The following CCDC33 variants were observed in gnomAD, a reference collection of about 807,000 sequenced individuals.
The protein encoded by CCDC33 is coiled-coil domain containing 33, also known as coiled-coil domain-containing protein 33.
A neutral mutation model predicts 91.9 loss-of-function variants in CCDC33; 94 were observed. That is an observed-to-expected ratio of 1.02 (90% CI 0.87 to 1.21). The LOEUF is 1.21. Among genes scored for constraint, CCDC33 ranks in the 50% most tolerant of loss-of-function variants. The pLI is 0.00. For missense variants in CCDC33, 940 were observed against 935.5 expected (o/e 1.00, Z -0.06); for synonymous variants, 396 against 374.5 (o/e 1.06, Z -0.66).
chr15:74,245,375 C>T (rs2075490071), intron 2 of CCDC33, among the ~76,000 whole-genome samples: 1 of 152,226 alleles, frequency 6.6e-6, no homozygotes, highest in Non-Finnish European at 1.5e-5. Flanking sequence ...TTTGTGCCAG[C>T]CCAGCTCCTC....
chr15:74,323,015 T>G, intron 11 of CCDC33, among the ~76,000 whole-genome samples: 1 of 152,092 alleles, frequency 6.6e-6, no homozygotes, highest in East Asian at 1.9e-4. Context: ...TCCCCGCTCC[T>G]ACCCCTGCTC....
At chr15:74,256,053 C>T (rs377671033) in intron 2 of CCDC33, among the ~76,000 whole-genome samples, 2 of 152,236 alleles carry the variant, frequency 1.3e-5, no homozygotes, top group Admixed American at 6.5e-5. Flanking sequence ...GCTCCAGCAG[C>T]GACAAGACAG....
chr15:74,324,754 G>T (rs1486273207), intron 11 of CCDC33, among the ~76,000 whole-genome samples: 1 of 149,988 alleles, frequency 6.7e-6, no homozygotes, highest in African/African-American at 2.5e-5. Context: ...TGCACCTGAG[G>T]CCCTGCAGGT....
intron 1 of CCDC33, among the ~76,000 whole-genome samples, chr15:74,238,555 T>G (rs998259658): frequency 1.3e-5 from 2 of 152,246 alleles, no homozygotes; most frequent in African/African-American, 4.8e-5. Flanking sequence ...ATTAATCCTT[T>G]TTTAAATATG....
rs556526616 is a variant in CCDC33, at chr15:74,280,813, G to A, written c.1023+12G>A. The A allele has an allele frequency of 6.7e-7, 1 of 1,483,960 alleles. No homozygotes were observed. The highest frequency in any genetic ancestry group is 1.4e-5 in the South Asian group (1 of 70,072). 91.9% of individuals were successfully genotyped at this position (1,483,960 alleles called of 1,614,324 possible). ...GGCTCCCCATCATGGTGAGCCCCCT[G>A]CCCTGAACTGGGCCCCTAGCGTGCC... On this transcript the variant is annotated intron_variant, in intron 9 of 18. Transcript: ENST00000398814.
intron 3 of CCDC33, among the ~76,000 whole-genome samples, chr15:74,264,205 G>A (rs1298336220): frequency 1.3e-5 from 2 of 151,922 alleles, no homozygotes; most frequent in Admixed American, 6.6e-5. Context: ...CGGTGGGGGT[G>A]GGGGAGATGG....
Position 74,280,706 on chromosome 15 carries a change from G to T in CCDC33, c.928G>T (p.Gly310Cys). The change falls in exon 9 of 19, where the codon GGC (glycine) becomes TGC (cysteine). Residue 310 changes from glycine (G) to cysteine (C), a missense_variant. Gly to Cys is a radical substitution (Grantham distance 159, BLOSUM62 -3). Coordinates refer to ENST00000398814, the MANE Select transcript of CCDC33 (RefSeq NM_025055.5). Reference protein sequence around the residue: ...SQPWTLNQPLGISVLPLKSRL... With the variant: ...SQPWTLNQPLCISVLPLKSRL... ...GCCGTGGACCCTCAACCAGCCCCTG[G>T]GCATCTCTGTGTTGCCGCTAAAGAG... 6.4e-7 allele frequency: 1 copy of T among 1,554,374 alleles called. No homozygotes were observed. Among genetic ancestry groups the T allele is most frequent in the Non-Finnish European group, 8.7e-7 (1 of 1,149,332 alleles).
At chr15:74,275,383 C>A (rs2959018) in intron 7 of CCDC33, among the ~76,000 whole-genome samples, 3 of 152,230 alleles carry the variant, frequency 2.0e-5, no homozygotes, top group Non-Finnish European at 2.9e-5. Context: ...TGTACCTCCC[C>A]TAGTGCCAGT....
At chr15:74,310,601 G>A (rs2059974554) in intron 11 of CCDC33, among the ~76,000 whole-genome samples, 1 of 152,144 alleles carries the variant, frequency 6.6e-6, no homozygotes, top group Non-Finnish European at 1.5e-5. Flanking sequence ...GGTGGTCAGG[G>A]GGCATCCTGA....
At chr15:74,268,971 T>C (rs191459514) in intron 5 of CCDC33, among the ~76,000 whole-genome samples, 243 of 152,354 alleles carry the variant, frequency 1.6e-3, no homozygotes, top group Middle Eastern at 0.014. Flanking sequence ...ATTAGGTATT[T>C]AGTTTATTCA....
chr15:74,210,995 G>A lies in CCDC33; in HGVS notation n.237-1151G>A, dbSNP rs1390792379. ...TGGCAAAGACAGAGCCTTAGCTAAG[G>A]CCAGATTATAAGGCTGAAGGAGACT... is the stretch of plus-strand genomic sequence containing the variant. On this transcript the variant is annotated intron_variant and non_coding_transcript_variant, in intron 2 of 3. Transcript: ENST00000558645. Among the ~76,000 whole-genome samples, 3 of 152,152 alleles carry A rather than the reference G, an allele frequency of 2.0e-5. 1 individual carries two copies. The highest frequency in any genetic ancestry group is 4.1e-4 in the South Asian group (2 of 4,820).
chr15:74,326,823 G>A (rs2060319011), intron 11 of CCDC33, among the ~76,000 whole-genome samples: 1 of 152,196 alleles, frequency 6.6e-6, no homozygotes, highest in Non-Finnish European at 1.5e-5. Context: ...TTGGAGCAGG[G>A]GAGTCAGCAG....
At chr15:74,228,613 C>T (rs2074871907) in intron 2 of CCDC33, among the ~76,000 whole-genome samples, 1 of 152,230 alleles carries the variant, frequency 6.6e-6, no homozygotes, top group South Asian at 2.1e-4. Context: ...CCTTACCCCA[C>T]CCGGAAGCCT....
intron 4 of CCDC33, among the ~76,000 whole-genome samples, chr15:74,267,143 G>A (rs1318403017): frequency 6.6e-6 from 1 of 152,232 alleles, no homozygotes; most frequent in Non-Finnish European, 1.5e-5. Flanking sequence ...TGCACGCCCT[G>A]TGCTAGACAT....
intron 11 of CCDC33, among the ~76,000 whole-genome samples, chr15:74,308,783 G>T (rs1186897037): frequency 1.3e-5 from 2 of 152,202 alleles, no homozygotes; most frequent in African/African-American, 2.4e-5. Context: ...CTGCAGAGGG[G>T]CTCGGGGATT....
At chr15:74,209,215 G>A (rs2074329729) in intron 1 of CCDC33, 1 of 1,059,040 alleles carries the variant, frequency 9.4e-7, no homozygotes, top group African/African-American at 1.6e-5. Flanking sequence ...CAGCGGTATA[G>A]CCTCTCCACA....
chr15:74,241,609 A>G (rs2075350944), intron 1 of CCDC33, among the ~76,000 whole-genome samples: 2 of 152,208 alleles, frequency 1.3e-5, no homozygotes. Flanking sequence ...GGTTCTGAGC[A>G]GAGGAGAGAG....
intron 1 of CCDC33, among the ~76,000 whole-genome samples, chr15:74,237,113 C>A (rs965724772): frequency 2.6e-5 from 4 of 152,178 alleles, no homozygotes; most frequent in African/African-American, 9.7e-5. Context: ...AGCCCTGATG[C>A]CCCCATTGCC....
intron 11 of CCDC33, among the ~76,000 whole-genome samples, chr15:74,308,443 C>G (rs1235673682): frequency 6.6e-6 from 1 of 151,966 alleles, no homozygotes; most frequent in African/African-American, 2.4e-5. Context: ...CCAGTTCACT[C>G]CCAGTTTAAT....
Sources: gnomAD v4.1 joint callset for allele counts (sites outside exome capture counted in the v4.1 genomes callset) on GRCh38, gnomAD v4.1.1 for gene constraint, MANE v1.5 for transcripts, NCBI Gene and HGNC (gene_info 2026-07-23, HGNC 2026-07-21) for gene names.